Variants in PHF14 observed in about 807,000 individuals in gnomAD.
PHF14 encodes PHD finger protein 14.
Under a neutral mutation model 117.9 loss-of-function variants are expected in PHF14, and 55 were observed. The observed-to-expected ratio is 0.47, with a 90% CI of 0.38 to 0.58. PHF14 has a LOEUF of 0.58. PHF14 is among the 20% of genes least tolerant of loss of function. PHF14 has a pLI of 0.00. For synonymous variants in PHF14, 409 were observed against 368.6 expected (o/e 1.11, Z -1.26); for missense variants, 978 against 1,122.2 (o/e 0.87, Z 1.84).
chr7:11,152,729 G>A (rs1039838093), intron 17 of PHF14, among the ~76,000 whole-genome samples: 4 of 152,156 alleles, frequency 2.6e-5, no homozygotes, highest in African/African-American at 9.7e-5. Context: ...TAACCAAGTG[G>A]ATGTTCATTT....
intron 4 of PHF14, among the ~76,000 whole-genome samples, chr7:11,001,602 G>A (rs1490982521): frequency 7.5e-5 from 3 of 40,032 alleles, no homozygotes; most frequent in African/African-American, 3.7e-4. Context: ...AGAGATCTTG[G>A]CAATATTATT....
intron 17 of PHF14, among the ~76,000 whole-genome samples, chr7:11,161,310 C>T (rs1476694366): frequency 2.6e-5 from 4 of 151,950 alleles, no homozygotes; most frequent in Non-Finnish European, 5.9e-5. Context: ...TTTCATTGTC[C>T]AGTGAGAAGG....
rs896556771 is a variant in PHF14, at chr7:11,062,105, C to T, written c.2654+20C>T. On this transcript the variant is annotated intron_variant, in intron 16 of 17. Coordinates refer to ENST00000634607, the MANE Select transcript of PHF14 (RefSeq NM_001007157.2). ...TGTCAGGTAAGTTGGATGCTAAAAC[C>T]TTGTCTTTAGGGGATGAAAGTTCTA... The T allele has an allele frequency of 6.3e-7, 1 of 1,587,794 alleles. No individual in the cohort carries two copies. Among genetic ancestry groups the T allele is most frequent in the African/African-American group, 1.4e-5 (1 of 73,792 alleles).
At chr7:11,128,121 A>G (rs1177383995) in intron 17 of PHF14, among the ~76,000 whole-genome samples, 3 of 152,076 alleles carry the variant, frequency 2.0e-5, no homozygotes. Flanking sequence ...TTTTGGCCAG[A>G]AATAACATAA....
chr7:11,136,233 G>A (rs537409223), intron 17 of PHF14, among the ~76,000 whole-genome samples: 80 of 152,074 alleles, frequency 5.3e-4, no homozygotes, highest in Non-Finnish European at 9.1e-4. Flanking sequence ...ATTGTATGCC[G>A]TGGTGGGATG....
chr7:11,158,682 G>T (rs1017074938), intron 17 of PHF14, among the ~76,000 whole-genome samples: 1 of 151,734 alleles, frequency 6.6e-6, no homozygotes, highest in African/African-American at 2.4e-5. Flanking sequence ...CAAACAATGG[G>T]GATTTAAATA....
chr7:11,025,946 T>C (rs979450896), intron 6 of PHF14, among the ~76,000 whole-genome samples: 1 of 151,780 alleles, frequency 6.6e-6, no homozygotes, highest in Non-Finnish European at 1.5e-5. Context: ...ACCCTGTATC[T>C]ACTAAAAATA....
At chr7:11,129,006 G>A (rs570415169) in intron 17 of PHF14, among the ~76,000 whole-genome samples, 10 of 151,928 alleles carry the variant, frequency 6.6e-5, no homozygotes, top group Non-Finnish European at 1.3e-4. Flanking sequence ...ATTTTTACCA[G>A]CTAGATTACA....
At chr7:10,982,261 GT>G (rs2128308089) in intron 2 of PHF14, 110 bp from the exon 3 acceptor site, 1 of 633,068 alleles carries the variant, frequency 1.6e-6, no homozygotes, top group African/African-American at 1.9e-5. Flanking sequence ...TGTTTATATT[GT>G]TTTGCAAGTT....
chr7:11,154,375 TAGTC>T (rs1000242211), intron 17 of PHF14, among the ~76,000 whole-genome samples: 2 of 152,192 alleles, frequency 1.3e-5, no homozygotes, highest in South Asian at 2.1e-4. Context: ...CCCATTCCAA[TAGTC>T]AGTATTTCTA....
At chr7:11,085,715 T>C (rs1485909741) in intron 16 of PHF14, among the ~76,000 whole-genome samples, 1 of 152,086 alleles carries the variant, frequency 6.6e-6, no homozygotes, top group Non-Finnish European at 1.5e-5. Context: ...TGCAGGTGTG[T>C]GCCTGGCTAA....
chr7:11,155,855 A>G (rs1014842385), intron 17 of PHF14, among the ~76,000 whole-genome samples: 12 of 152,104 alleles, frequency 7.9e-5, no homozygotes, highest in Non-Finnish European at 1.0e-4. Flanking sequence ...TAGATGGCTT[A>G]TATAGCTTGC....
intron 14 of PHF14, 59 bp downstream of exon 14, chr7:11,051,839 A>C (rs1466756241): frequency 7.1e-7 from 1 of 1,411,730 alleles, no homozygotes; most frequent in Non-Finnish European, 9.9e-7. Flanking sequence ...AATTTAAGAG[A>C]GTGAGAAAGA....
chr7:11,149,827 T>C (rs1379211255), intron 17 of PHF14, among the ~76,000 whole-genome samples: 1 of 152,088 alleles, frequency 6.6e-6, no homozygotes, highest in Non-Finnish European at 1.5e-5. Flanking sequence ...TTTATATTTC[T>C]AAGTATATAG....
intron 17 of PHF14, among the ~76,000 whole-genome samples, chr7:11,158,113 G>A (rs1387058560): frequency 6.6e-6 from 1 of 152,042 alleles, no homozygotes; most frequent in Non-Finnish European, 1.5e-5. Context: ...TAAATAAACT[G>A]TAGAATTTAT....
chr7:11,147,388 A>G (rs762910696), intron 17 of PHF14, among the ~76,000 whole-genome samples: 2 of 152,118 alleles, frequency 1.3e-5, no homozygotes, highest in African/African-American at 4.8e-5. Context: ...GTTATTATCC[A>G]TGTTCCTGAA....
intron 17 of PHF14, among the ~76,000 whole-genome samples, chr7:11,121,555 A>G (rs1562475930): frequency 6.6e-6 from 1 of 152,094 alleles, no homozygotes; most frequent in Non-Finnish European, 1.5e-5. Flanking sequence ...AGTGAAAGGA[A>G]ATATCTTATG....
At chr7:11,166,076 C>T (rs1447869811) in intron 17 of PHF14, among the ~76,000 whole-genome samples, 1 of 152,188 alleles carries the variant, frequency 6.6e-6, no homozygotes, top group Non-Finnish European at 1.5e-5. Context: ...TGAAATTTCA[C>T]ATATAACTAG....
At chr7:11,127,874 C>T (rs1787970852) in intron 17 of PHF14, among the ~76,000 whole-genome samples, 1 of 152,048 alleles carries the variant, frequency 6.6e-6, no homozygotes, top group Admixed American at 6.6e-5. Context: ...TATCCTATCA[C>T]CATGACTTAA....
Sources: gnomAD v4.1 joint callset for allele counts (sites outside exome capture counted in the v4.1 genomes callset) on GRCh38, gnomAD v4.1.1 for gene constraint, MANE v1.5 for transcripts, NCBI Gene and HGNC (gene_info 2026-07-23, HGNC 2026-07-21) for gene names.